The following CCNG1 variants were observed in gnomAD, a reference collection of about 807,000 sequenced individuals.
CCNG1 encodes the protein cyclin G1, also known as cyclin-G1.
CCNG1 carries 13 observed loss-of-function variants against 30.0 expected under a neutral mutation model. The observed-to-expected ratio is 0.43, with a 90% CI of 0.28 to 0.69. CCNG1 has a LOEUF of 0.69. Ranked by LOEUF, CCNG1 falls within the 30% of genes least tolerant of loss-of-function variation. CCNG1 has a pLI of 0.16. For synonymous variants in CCNG1, 110 were observed against 121.5 expected (o/e 0.91, Z 0.62); for missense variants, 285 against 331.4 (o/e 0.86, Z 1.09).
At chr5:163,451,841 G>A in the CCNG1 span, 1 of 152,396 alleles carries the variant, frequency 6.6e-6, no homozygotes, top group Non-Finnish European at 1.5e-5. Context: ...ATCACCTGAT[G>A]TCCGGAGTTC....
At position 163,443,081 on chromosome 5, in the gene CCNG1, G is replaced by A. The variant is rs561882065; in HGVS notation, c.*3+513G>A. Among the ~76,000 whole-genome samples the A allele has an allele frequency of 1.4e-4, 21 of 152,262 alleles. No homozygotes were observed. In the East Asian group the frequency reaches 3.5e-3, roughly 25 times the overall value. ...TCCCAGCACTTTGGGAGGCCAAGGC[G>A]GGCGGATCACGAGGTCAGGAGATCG... On this transcript the variant is annotated intron_variant, in intron 6 of 6. Transcript: ENST00000340828.
At chr5:163,443,311 C>T (rs1286689942) in intron 6 of CCNG1, among the ~76,000 whole-genome samples, 1 of 90,224 alleles carries the variant, frequency 1.1e-5, no homozygotes, top group Non-Finnish European at 2.4e-5. Context: ...GACTCCGCCA[C>T]AAAAAAAAAA....
intron 2 of CCNG1, 110 bp from the exon 3 acceptor site, chr5:163,440,968 C>T: frequency 8.4e-7 from 1 of 1,185,798 alleles, no homozygotes; most frequent in Non-Finnish European, 1.2e-6. Flanking sequence ...AGAAATAAAC[C>T]TCAAATATAC....
rs1455781755 is a variant in CCNG1 at position 163,444,003 on chromosome 5, G to A, written c.*333G>A. On this transcript the variant is annotated 3_prime_UTR_variant, in exon 7 of 7. Transcript: ENST00000340828. ...AATATATTTAGGTGGTATTGAAAAT[G>A]CTATTGGAGGAGTCACACTAATACT... 4.2e-5 allele frequency: 13 copies of A among 310,666 alleles called. No individual in the cohort carries two copies. Among genetic ancestry groups the A allele is most frequent in the Admixed American group, 1.4e-4 (3 of 20,712 alleles). The allele number at this position is 310,666 out of a possible 1,614,324, so 19.2% of individuals were successfully genotyped here.
chr5:163,457,001 A>C, the CCNG1 span: 2 of 1,613,576 alleles, frequency 1.2e-6, no homozygotes, highest in Non-Finnish European at 1.7e-6. Context: ...CTGCATATTC[A>C]GATTCTAGTA....
chr5:163,440,667 A>G (rs578217886), intron 2 of CCNG1, among the ~76,000 whole-genome samples: 3 of 152,212 alleles, frequency 2.0e-5, no homozygotes, highest in Non-Finnish European at 4.4e-5. Flanking sequence ...CCACAAAGAC[A>G]AGAGCCTGGA....
downstream of CCNG1, chr5:163,449,988 C>T (rs1171708663): frequency 6.6e-6 from 1 of 152,134 alleles, no homozygotes; most frequent in African/African-American, 2.4e-5. Context: ...GGCACGGTGG[C>T]TCATGCCTGT....
chr5:163,443,185 G>A (rs1757909210), intron 6 of CCNG1, among the ~76,000 whole-genome samples: 4 of 152,030 alleles, frequency 2.6e-5, no homozygotes, highest in African/African-American at 7.2e-5. Flanking sequence ...GGTGGCGGGC[G>A]CCTGTAGTCC....
At chr5:163,457,111 C>G in the CCNG1 span, 2 of 1,534,388 alleles carry the variant, frequency 1.3e-6, no homozygotes, top group Non-Finnish European at 1.8e-6. Context: ...CACACACGCA[C>G]AAATAAATTA....
At position 163,441,869 on chromosome 5, in the gene CCNG1, C is replaced by G. The variant is rs1400530755; in HGVS notation, c.519-17C>G. The G allele has an allele frequency of 1.3e-6, 2 of 1,486,426 alleles. No homozygotes were observed. 92.1% of individuals were successfully genotyped at this position (1,486,426 alleles called of 1,614,324 possible). A position where few individuals can be genotyped will look rare whatever the true frequency, so the allele number is the denominator to read the frequency against. On this transcript the variant is annotated splice_polypyrimidine_tract_variant and intron_variant, in intron 3 of 6. Transcript: ENST00000340828. ...GTAGTATTACCTAATAAAAGTAATA[C>G]CATTTTCTTTTTAAAGGAGAAATAG...
At position 163,439,380 on chromosome 5, in the gene CCNG1, G is replaced by A. The variant is rs781444433; in HGVS notation, c.124G>A (p.Asp42Asn). ...CGLRLIESAHDNGLRMTARLR... is the reference protein window; with the variant it reads ...CGLRLIESAHNNGLRMTARLR... ...TTTGAGACTAATTGAGTCTGCACACGATAATGGCCTCAGAATGACTGCAAG... is the reference window on the plus strand; with the variant it reads ...TTTGAGACTAATTGAGTCTGCACACAATAATGGCCTCAGAATGACTGCAAG... Residue 42 changes from aspartate to asparagine, a missense_variant, in exon 2 of 7, where the codon GAT (aspartate) becomes AAT (asparagine). Physicochemically the swap from Asp to Asn is conservative, Grantham distance 23. Transcript: ENST00000340828. The A allele has an allele frequency of 6.2e-6, 10 of 1,614,082 alleles. No homozygotes were observed. The Admixed American group carries it at 1.3e-4, about 22-fold the overall frequency.
At position 163,437,675 on chromosome 5, in the gene CCNG1, C is replaced by G. The variant is rs765351734; in HGVS notation, c.-130C>G. ...GAGGCCTCCACCCAGGACAGTCCCC[C>G]TCCCCGGGCCTCTCTCCTCTTGCCT... On this transcript the variant is annotated 5_prime_UTR_variant, in exon 1 of 7. Coordinates refer to ENST00000340828, the MANE Select transcript of CCNG1 (RefSeq NM_004060.4). 6.6e-6 allele frequency: 1 copy of G among 152,336 alleles called. No homozygotes were observed. Among genetic ancestry groups the G allele is most frequent in the Admixed American group, 6.5e-5 (1 of 15,316 alleles). The allele number at this position is 152,336 out of a possible 1,614,324, so 9.4% of individuals were successfully genotyped here. A position where few individuals can be genotyped will look rare whatever the true frequency, so the allele number is the denominator to read the frequency against.
the CCNG1 span, among the ~76,000 whole-genome samples, chr5:163,455,650 G>A: frequency 1.3e-5 from 2 of 151,518 alleles, no homozygotes; most frequent in African/African-American, 4.9e-5. Context: ...TACAGTCCCA[G>A]CTACTCGGGA....
At chr5:163,457,284 A>G in the CCNG1 span, among the ~76,000 whole-genome samples, 2 of 152,124 alleles carry the variant, frequency 1.3e-5, no homozygotes, top group Non-Finnish European at 2.9e-5. Flanking sequence ...GGCATGCGCC[A>G]CCATGCCCGG....
chr5:163,457,190 G>A, the CCNG1 span: 13 of 1,167,930 alleles, frequency 1.1e-5, no homozygotes, highest in Non-Finnish European at 1.3e-5. Context: ...GGAGTGCAGC[G>A]GCTTGATCTC....
chr5:163,452,770 T>A, the CCNG1 span: 1 of 152,136 alleles, frequency 6.6e-6, no homozygotes, highest in East Asian at 1.9e-4. Flanking sequence ...AATCTAATCA[T>A]GAAGTATCAG....
chr5:163,439,208 A>G (rs1202070212), intron 1 of CCNG1, 49 bp from the exon 2 acceptor site: 1 of 1,541,628 alleles, frequency 6.5e-7, no homozygotes, highest in Non-Finnish European at 8.8e-7. Flanking sequence ...CAAGGAAAGC[A>G]GGAAGGACTA....
rs547589899 is a variant in CCNG1 at position 163,444,945 on chromosome 5, G to C, written c.*1275G>C. The C allele has an allele frequency of 6.6e-6, 1 of 152,552 alleles. No homozygotes were observed. Among genetic ancestry groups the C allele is most frequent in the Non-Finnish European group, 1.5e-5 (1 of 67,996 alleles). 9.4% of individuals were successfully genotyped at this position (152,552 alleles called of 1,614,324 possible). On this transcript the variant is annotated 3_prime_UTR_variant, in exon 7 of 7. Transcript: ENST00000340828. Reference sequence around the variant, plus strand: ...TCATTGTTAATTTTGAGTTGGCAGAGGTAAACTAACCAACTACCATTATGT... The same window carrying C: ...TCATTGTTAATTTTGAGTTGGCAGACGTAAACTAACCAACTACCATTATGT...
At chr5:163,442,885 G>A (rs1017604697) in intron 6 of CCNG1, among the ~76,000 whole-genome samples, 4 of 152,112 alleles carry the variant, frequency 2.6e-5, no homozygotes, top group Non-Finnish European at 5.9e-5. Context: ...CTTGCTGTAT[G>A]TATCTGACTG....
Sources: gnomAD v4.1 joint callset for allele counts (sites outside exome capture counted in the v4.1 genomes callset) on GRCh38, gnomAD v4.1.1 for gene constraint, MANE v1.5 for transcripts, NCBI Gene and HGNC (gene_info 2026-07-23, HGNC 2026-07-21) for gene names.